The following SOX7 variants were observed in gnomAD, a reference collection of about 807,000 sequenced individuals.
SOX7 encodes the protein transcription factor SOX-7.
Under a neutral mutation model 24.9 loss-of-function variants are expected in SOX7, and 19 were observed. The ratio of observed to expected loss-of-function variants is 0.76; its 90% CI spans 0.53 to 1.12. The LOEUF (loss-of-function observed/expected upper bound fraction) is 1.12. Among genes scored for constraint, SOX7 ranks in the 50% most tolerant of loss-of-function variants. SOX7 has a pLI of 0.00. For missense variants in SOX7, 702 were observed against 535.0 expected (o/e 1.31, Z -3.08); for synonymous variants, 327 against 244.5 (o/e 1.34, Z -3.15).
intron 1 of SOX7, among the ~76,000 whole-genome samples, chr8:10,728,778 G>C (rs1413210229): frequency 6.6e-6 from 1 of 152,190 alleles, no homozygotes; most frequent in African/African-American, 2.4e-5. Flanking sequence ...GCAGGGGCTT[G>C]CTTCCCCCTG....
chr8:10,728,774 G>T (rs1800204406), intron 1 of SOX7, among the ~76,000 whole-genome samples: 1 of 152,166 alleles, frequency 6.6e-6, no homozygotes, highest in Non-Finnish European at 1.5e-5. Context: ...CACAGCAGGG[G>T]CTTGCTTCCC....
intron 1 of SOX7, chr8:10,729,629 G>C (rs1800221544): frequency 6.6e-6 from 1 of 152,164 alleles, no homozygotes; most frequent in Non-Finnish European, 1.5e-5. Context: ...GAGTCTATTT[G>C]GGTAAGCTTT....
In SOX7 at chr8:10,725,456, G is replaced by A; in HGVS notation, c.*282C>T. 2.1e-6 allele frequency: 1 copy of A among 486,806 alleles called. No homozygotes were observed. The highest frequency in any genetic ancestry group is 2.7e-5 in the South Asian group (1 of 36,860). 30.2% of individuals were successfully genotyped at this position (486,806 alleles called of 1,614,324 possible). On this transcript the variant is annotated 3_prime_UTR_variant, in exon 2 of 2. Coordinates refer to ENST00000304501, the MANE Select transcript of SOX7 (RefSeq NM_031439.4). ...ATGGCTACCAAGAAAAGACGTCAGT[G>A]AACATTCCACTGGGAGACAGCAACT...
chr8:10,728,346 G>A (rs914083408), intron 1 of SOX7, among the ~76,000 whole-genome samples: 1 of 152,154 alleles, frequency 6.6e-6, no homozygotes, highest in East Asian at 1.9e-4. Flanking sequence ...AGGTTTGGAA[G>A]GTTTATAGTG....
chr8:10,729,224 G>C (rs570390087), intron 1 of SOX7: 2 of 152,254 alleles, frequency 1.3e-5, no homozygotes, highest in African/African-American at 4.8e-5. Context: ...TCTGAACTCC[G>C]ACGAAAAAAG....
In SOX7 at chr8:10,725,417, C is replaced by G. The variant is rs958694128; in HGVS notation, c.*321G>C. On this transcript the variant is annotated 3_prime_UTR_variant, in exon 2 of 2. Transcript: ENST00000304501. ...ACCTTGGCTATCAAGTCTGTCCCCC[C>G]ATTAGTTTCGATGATGGCTACCAAG... The G allele has an allele frequency of 5.4e-6, 2 of 372,118 alleles. No homozygotes were observed. Among genetic ancestry groups the G allele is most frequent in the Non-Finnish European group, 4.9e-6 (1 of 204,514 alleles). The allele number at this position is 372,118 out of a possible 1,614,324, so 23.1% of individuals were successfully genotyped here. A position where few individuals can be genotyped will look rare whatever the true frequency, so the allele number is the denominator to read the frequency against.
intron 1 of SOX7, 92 bp from the exon 2 acceptor site, chr8:10,726,758 A>G: frequency 2.6e-6 from 3 of 1,162,802 alleles, no homozygotes; most frequent in Non-Finnish European, 2.4e-6. Context: ...GCACATGCAC[A>G]CACACCTCCC....
At position 10,726,522 on chromosome 8, in the gene SOX7, C is replaced by T. The variant is rs778831845; in HGVS notation, c.383G>A (p.Arg128His). 5.0e-6 allele frequency: 8 copies of T among 1,612,574 alleles called. No homozygotes were observed. The highest frequency in any genetic ancestry group is 2.7e-5 in the African/African-American group (2 of 75,056). ...RKKQAKRLCKRVDPGFLLSSL... is the reference protein window; with the variant it reads ...RKKQAKRLCKHVDPGFLLSSL... ...GCTCAGAAGGAAGCCCGGGTCCACG[C>T]GCTTGCACAGCCGCTTGGCCTGCTT... The change falls in exon 2 of 2, where the codon CGC becomes CAC. Residue 128 changes from arginine (R) to histidine (H), a missense_variant. By Grantham distance (29) the Arg-to-His change is conservative. Coordinates refer to ENST00000304501, the MANE Select transcript of SOX7 (RefSeq NM_031439.4).
At position 10,726,466 on chromosome 8, in the gene SOX7, C is replaced by T. The variant is rs781307811; in HGVS notation, c.439G>A (p.Glu147Lys). The change falls in exon 2 of 2, where the codon GAG (glutamate) becomes AAG (lysine). Residue 147 changes from glutamate (E) to lysine (K), a missense_variant. Coordinates refer to ENST00000304501, the MANE Select transcript of SOX7 (RefSeq NM_031439.4). ...SLSRDQNALP[E>K]KRSGSRGALG... is the part of the protein sequence containing the mutation. ...GCCCCCCGGCTGCCGCTTCTCTTCT[C>T]CGGCAGGGCGTTCTGGTCCCGGGAG... 8 of 1,612,266 alleles carry T rather than the reference C, an allele frequency of 5.0e-6. No homozygotes were observed. Among genetic ancestry groups the T allele is most frequent in the African/African-American group, 2.7e-5 (2 of 74,914 alleles).
Position 10,726,102 on chromosome 8 carries a change from A to G in SOX7, c.803T>C (p.Val268Ala). The G allele has an allele frequency of 1.9e-6, 3 of 1,563,044 alleles. No homozygotes were observed. Among genetic ancestry groups the G allele is most frequent in the Non-Finnish European group, 2.6e-6 (3 of 1,156,226 alleles). Residue 268 changes from valine to alanine, a missense_variant, in exon 2 of 2, where the codon GTC becomes GCC. Physicochemically the swap from Val to Ala is moderately conservative, Grantham distance 64. Transcript: ENST00000304501. ...GCCGGGTACAGGGGACATCATGGAG[A>G]CGCCGGGGGACTGGCCAAGGGCCAG... ...GSLALGQSPG[V>A]SMMSPVPGCP...
At chr8:10,727,198 A>G (rs1800172406) in intron 1 of SOX7, among the ~76,000 whole-genome samples, 1 of 152,226 alleles carries the variant, frequency 6.6e-6, no homozygotes, top group African/African-American at 2.4e-5. Context: ...ATACTTTCAC[A>G]GATGTCAGTA....
At chr8:10,727,812 C>G (rs1800185046) in intron 1 of SOX7, among the ~76,000 whole-genome samples, 1 of 152,180 alleles carries the variant, frequency 6.6e-6, no homozygotes, top group African/African-American at 2.4e-5. Context: ...ACCCGCTAGC[C>G]TAGAGGTTAA....
At position 10,726,095 on chromosome 8, in the gene SOX7, C is replaced by G. The variant is rs1455692364; in HGVS notation, c.810G>C (p.Met270Ile). 6.4e-7 allele frequency: 1 copy of G among 1,564,472 alleles called. No individual in the cohort carries two copies. Among genetic ancestry groups the G allele is most frequent in the Non-Finnish European group, 8.6e-7 (1 of 1,156,484 alleles). The change falls in exon 2 of 2, where the codon ATG (methionine) becomes ATC (isoleucine). Residue 270 changes from methionine to isoleucine, a missense_variant. Coordinates refer to ENST00000304501, the MANE Select transcript of SOX7 (RefSeq NM_031439.4). ...GGGGACAGCCGGGTACAGGGGACAT[C>G]ATGGAGACGCCGGGGGACTGGCCAA... ...LALGQSPGVS[M>I]MSPVPGCPPS...
chr8:10,724,516 T>A lies in SOX7; in HGVS notation c.*1222A>T, dbSNP rs1195239250. The A allele has an allele frequency of 6.6e-6, 1 of 152,158 alleles. No homozygotes were observed. The highest frequency in any genetic ancestry group is 2.4e-5 in the African/African-American group (1 of 41,434). The allele number at this position is 152,158 out of a possible 1,614,324, so 9.4% of individuals were successfully genotyped here. A position where few individuals can be genotyped will look rare whatever the true frequency, so the allele number is the denominator to read the frequency against. ...CCTTTTGAATCTACAGAGGGGAAAG[T>A]GTGTATCCAGATTTGAAGACAGTGA... On this transcript the variant is annotated 3_prime_UTR_variant, in exon 2 of 2. Coordinates refer to ENST00000304501, the MANE Select transcript of SOX7 (RefSeq NM_031439.4).
chr8:10,725,632 G>T lies in SOX7; in HGVS notation c.*106C>A. ...CTGGGGCCGCAGTTCAGACCTCCCT[G>T]CCCTGAGCGGTGGGAGGAAAGCTGG... On this transcript the variant is annotated 3_prime_UTR_variant, in exon 2 of 2. Coordinates refer to ENST00000304501, the MANE Select transcript of SOX7 (RefSeq NM_031439.4). The T allele has an allele frequency of 8.1e-7, 1 of 1,241,134 alleles. No homozygotes were observed. Among genetic ancestry groups the T allele is most frequent in the Non-Finnish European group, 1.1e-6 (1 of 876,144 alleles). The allele number at this position is 1,241,134 out of a possible 1,614,324, so 76.9% of individuals were successfully genotyped here. A position where few individuals can be genotyped will look rare whatever the true frequency, so the allele number is the denominator to read the frequency against.
intron 1 of SOX7, among the ~76,000 whole-genome samples, chr8:10,727,884 C>A (rs920224834): frequency 1.3e-5 from 2 of 152,234 alleles, no homozygotes; most frequent in African/African-American, 2.4e-5. Flanking sequence ...GGTGCAGAGC[C>A]GTGCACACAG....
Position 10,725,293 on chromosome 8 carries a change from C to G in SOX7, c.*445G>C. 5.5e-6 allele frequency: 1 copy of G among 183,424 alleles called. No homozygotes were observed. Among genetic ancestry groups the G allele is most frequent in the Non-Finnish European group, 1.2e-5 (1 of 86,936 alleles). 11.4% of individuals were successfully genotyped at this position (183,424 alleles called of 1,614,324 possible). On this transcript the variant is annotated 3_prime_UTR_variant, in exon 2 of 2. Coordinates refer to ENST00000304501, the MANE Select transcript of SOX7 (RefSeq NM_031439.4). ...TTGGGCTGTGCACACAAAATTATCACCAGATCGTAGGTTAGCGAGCTCATT... is the reference window on the plus strand; with the variant it reads ...TTGGGCTGTGCACACAAAATTATCAGCAGATCGTAGGTTAGCGAGCTCATT...
Position 10,730,289 on chromosome 8 carries a change from T to C in SOX7, c.145A>G (p.Met49Val). 6.3e-7 allele frequency: 1 copy of C among 1,581,670 alleles called. No homozygotes were observed. The highest frequency in any genetic ancestry group is 8.6e-7 in the Non-Finnish European group (1 of 1,165,750). Reference protein sequence around the residue: ...KGSESRIRRPMNAFMVWAKDE... With the variant: ...KGSESRIRRPVNAFMVWAKDE... Reference sequence around the variant, plus strand: ...TTGGCCCAAACCATGAAGGCGTTCATGGGCCGCCGGATACGGCTCTCGGAG... The same window carrying C: ...TTGGCCCAAACCATGAAGGCGTTCACGGGCCGCCGGATACGGCTCTCGGAG... Residue 49 changes from methionine (M) to valine (V), a missense_variant, in exon 1 of 2, where the codon ATG becomes GTG. Physicochemically the swap from Met to Val is conservative, Grantham distance 21 (BLOSUM62 1). Coordinates refer to ENST00000304501, the MANE Select transcript of SOX7 (RefSeq NM_031439.4). The surrounding 1 kb of genome is among the most constrained non-coding windows in gnomAD (Gnocchi z 4.8).
Position 10,726,510 on chromosome 8 carries a change from C to G in SOX7, c.395G>C (p.Gly132Ala), listed in dbSNP as rs767524561. Residue 132 changes from glycine (G) to alanine (A), a missense_variant, in exon 2 of 2, where the codon GGC becomes GCC. Coordinates refer to ENST00000304501, the MANE Select transcript of SOX7 (RefSeq NM_031439.4). ...CCGGGAGAGGGAGCTCAGAAGGAAG[C>G]CCGGGTCCACGCGCTTGCACAGCCG... ...AKRLCKRVDP[G>A]FLLSSLSRDQ... The G allele has an allele frequency of 2.3e-5, 37 of 1,612,508 alleles. No individual in the cohort carries two copies. Among genetic ancestry groups the G allele is most frequent in the South Asian group, 2.0e-4 (18 of 91,074 alleles).
Sources: gnomAD v4.1 joint callset for allele counts (sites outside exome capture counted in the v4.1 genomes callset) on GRCh38, gnomAD v4.1.1 for gene constraint, Gnocchi (gnomAD v3.1) non-coding constraint, MANE v1.5 for transcripts, NCBI Gene and HGNC (gene_info 2026-07-23, HGNC 2026-07-21) for gene names.